The following EGLN1 variants were observed in gnomAD, a reference collection of about 807,000 sequenced individuals.
The protein encoded by EGLN1 is egl nine homolog 1.
In EGLN1, 17 loss-of-function variants were observed where a neutral mutation model predicts 38.3. That is an observed-to-expected ratio of 0.44 (90% CI 0.30 to 0.67). EGLN1 has a LOEUF of 0.67. Ranked by LOEUF, EGLN1 falls within the 30% of genes least tolerant of loss-of-function variation. EGLN1 has a pLI of 0.08. For missense variants in EGLN1, 477 were observed against 603.3 expected (o/e 0.79, Z 2.19); for synonymous variants, 283 against 257.5 (o/e 1.10, Z -0.95).
chr1:231,387,459 A>G (rs1436405430), intron 1 of EGLN1, among the ~76,000 whole-genome samples: 1 of 148,974 alleles, frequency 6.7e-6, no homozygotes. Context: ...TCCCGGGTTC[A>G]TGCCATTCTC....
Position 231,394,124 on chromosome 1 carries a change from T to A in EGLN1, c.892-20025A>T, listed in dbSNP as rs567971997. Reference sequence around the variant, plus strand: ...AGATTTTTGCTAGCTTATTTTTTCATTAACCTCAAGCTGCAAATCAACAAA... The same window carrying A: ...AGATTTTTGCTAGCTTATTTTTTCAATAACCTCAAGCTGCAAATCAACAAA... On this transcript the variant is annotated intron_variant, in intron 1 of 4. Transcript: ENST00000366641. Among the ~76,000 whole-genome samples, 9 of 152,310 alleles carry A rather than the reference T, an allele frequency of 5.9e-5. 1 individual carries two copies. The East Asian group carries it at 1.7e-3, about 29-fold the overall frequency.
intron 1 of EGLN1, among the ~76,000 whole-genome samples, chr1:231,397,638 T>C (rs942118664): frequency 6.6e-6 from 1 of 151,984 alleles, no homozygotes; most frequent in Non-Finnish European, 1.5e-5. Flanking sequence ...GACCCCTGCA[T>C]CAAAACATGA....
intron 1 of EGLN1, among the ~76,000 whole-genome samples, chr1:231,415,259 G>C (rs959095404): frequency 1.4e-4 from 19 of 139,770 alleles, no homozygotes; most frequent in Non-Finnish European, 2.6e-4. Flanking sequence ...GGCATGTTAG[G>C]CCCTGTCCTT....
chr1:231,387,940 C>A (rs1688263032), intron 1 of EGLN1, among the ~76,000 whole-genome samples: 1 of 152,212 alleles, frequency 6.6e-6, no homozygotes, highest in Admixed American at 6.6e-5. Flanking sequence ...GTGGCCCAGG[C>A]TTAATCTTTA....
chr1:231,421,190 C>T lies in EGLN1; in HGVS notation c.699G>A (p.Gly233=), dbSNP rs1656578377. The change falls in exon 1 of 5, where the codon GGG becomes GGA. Residue 233 remains glycine (G), a synonymous_variant. Transcript: ENST00000366641. This position sits in a 1 kb window ranked among gnomAD's most constrained non-coding sequence, Gnocchi z 5.5. ...TGACCAGCTGCCCGTCCGTGAACTT[C>T]CCGGTGTCGTGCAGGGCGCGCACCT... ...GDEVRALHDT[G]KFTDGQLVSQ... 1.9e-6 allele frequency: 3 copies of T among 1,614,188 alleles called. No individual in the cohort carries two copies. Among genetic ancestry groups the T allele is most frequent in the Non-Finnish European group, 2.5e-6 (3 of 1,180,036 alleles).
intron 1 of EGLN1, among the ~76,000 whole-genome samples, chr1:231,393,037 T>C (rs1688433206): frequency 6.6e-6 from 1 of 152,232 alleles, no homozygotes; most frequent in South Asian, 2.1e-4. Context: ...TCCAGGATTT[T>C]TGTCAAAGCC....
intron 1 of EGLN1, among the ~76,000 whole-genome samples, chr1:231,383,280 A>C (rs1688118463): frequency 1.3e-5 from 2 of 152,108 alleles, no homozygotes; most frequent in African/African-American, 4.8e-5. Context: ...ATTTAACTGT[A>C]GCCTCCAAAG....
chr1:231,411,319 G>A (rs1035001247), intron 1 of EGLN1, among the ~76,000 whole-genome samples: 1 of 152,074 alleles, frequency 6.6e-6, no homozygotes, highest in Non-Finnish European at 1.5e-5. Context: ...TGCCATAATT[G>A]TAAGTTTCCT....
rs1553353098 is a variant in EGLN1, at chr1:231,391,092, T to TTTTTTG, written c.892-16994_892-16993insCAAAAA. ...ACAGGGAACTCATTCTGTTTTTTTT[T>TTTTTTG]TGTGTGTGTGTGTGTGTGTGTGTGT... On this transcript the variant is annotated intron_variant, in intron 1 of 4. Coordinates refer to ENST00000366641, the MANE Select transcript of EGLN1 (RefSeq NM_022051.3). Among the ~76,000 whole-genome samples, 392 of 67,334 alleles carry TTTTTTG rather than the reference T, an allele frequency of 5.8e-3. 43 individuals carry two copies. The highest frequency in any genetic ancestry group is 0.018 in the African/African-American group (381 of 21,032). 44.2% of individuals were successfully genotyped at this position (67,334 alleles called of 152,430 possible).
In EGLN1 at chr1:231,421,621, C is replaced by G; in HGVS notation, c.268G>C (p.Ala90Pro). The change falls in exon 1 of 5, where the codon GCC (alanine) becomes CCC (proline). Residue 90 changes from alanine (A) to proline (P), a missense_variant. Transcript: ENST00000366641. This position sits in a 1 kb window ranked among gnomAD's most constrained non-coding sequence, Gnocchi z 5.5. Reference protein sequence around the residue: ...PAAVPPPRAGAREPRKAAARR... With the variant: ...PAAVPPPRAGPREPRKAAARR... Reference sequence around the variant, plus strand: ...GCCGCTGCCTTCCTGGGCTCCCGGGCCCCGGCCCTGGGCGGCGGCACTGCA... The same window carrying G: ...GCCGCTGCCTTCCTGGGCTCCCGGGGCCCGGCCCTGGGCGGCGGCACTGCA... 7.2e-7 allele frequency: 1 copy of G among 1,383,564 alleles called. No individual in the cohort carries two copies. The allele number at this position is 1,383,564 out of a possible 1,614,324, so 85.7% of individuals were successfully genotyped here.
chr1:231,391,457 A>G (rs1238823197), intron 1 of EGLN1, among the ~76,000 whole-genome samples: 3 of 103,646 alleles, frequency 2.9e-5, no homozygotes, highest in Admixed American at 1.9e-4. Context: ...CTGATTTCCA[A>G]TCCTGCACTG....
At chr1:231,412,147 T>C (rs910203349) in intron 1 of EGLN1, among the ~76,000 whole-genome samples, 1 of 150,578 alleles carries the variant, frequency 6.6e-6, no homozygotes, top group Admixed American at 6.6e-5. Context: ...ATCAAAGGGA[T>C]GAAAGGCTCA....
chr1:231,411,587 C>T (rs1688943755), intron 1 of EGLN1, among the ~76,000 whole-genome samples: 1 of 152,110 alleles, frequency 6.6e-6, no homozygotes, highest in African/African-American at 2.4e-5. Context: ...GTTCATGTTT[C>T]ATGTTTCTGG....
chr1:231,419,726 G>A (rs1656504814), intron 1 of EGLN1, among the ~76,000 whole-genome samples: 1 of 152,144 alleles, frequency 6.6e-6, no homozygotes, highest in Non-Finnish European at 1.5e-5. Context: ...CAATGAAGTG[G>A]CAATAGGTAA....
At chr1:231,418,727 G>A (rs965375181) in intron 1 of EGLN1, among the ~76,000 whole-genome samples, 13 of 152,016 alleles carry the variant, frequency 8.6e-5, no homozygotes, top group African/African-American at 2.9e-4. Context: ...GCCAAGTATG[G>A]TGGTGTGTGC....
chr1:231,421,692 C>A lies in EGLN1; in HGVS notation c.197G>T (p.Gly66Val). The stretch of plus-strand genomic sequence containing the variant: ...ATGCTGGTGTGGGCCCACTCCGTGG[C>A]CGAGGGCGCCCTCGCTGCCCTGGCA... ...LVCQGSEGAL[G>V]HGVGPHQHSG... The change falls in exon 1 of 5, where the codon GGC (glycine) becomes GTC (valine). Residue 66 changes from glycine (G) to valine (V), a missense_variant. This residue lies in a region of EGLN1 where 298 missense variants were observed against 288.9 expected (regional missense o/e 1.03). Transcript: ENST00000366641. The surrounding 1 kb of genome is among the most constrained non-coding windows in gnomAD (Gnocchi z 5.5). 6.6e-7 allele frequency: 1 copy of A among 1,510,724 alleles called. No individual in the cohort carries two copies. The highest frequency in any genetic ancestry group is 8.8e-7 in the Non-Finnish European group (1 of 1,135,442). The allele number at this position is 1,510,724 out of a possible 1,614,324, so 93.6% of individuals were successfully genotyped here. A position where few individuals can be genotyped will look rare whatever the true frequency, so the allele number is the denominator to read the frequency against.
chr1:231,374,170 ATC>A, intron 1 of EGLN1, 71 bp from the exon 2 acceptor site: 2 of 1,444,712 alleles, frequency 1.4e-6, no homozygotes, highest in African/African-American at 2.8e-5. Context: ...AATAAATCAG[ATC>A]TCTGATTTTT....
In EGLN1 at chr1:231,375,852, T is replaced by G. The variant is rs2102899845; in HGVS notation, c.892-1753A>C. Reference sequence around the variant, plus strand: ...TCCATTTGTGGTTAACTGAAGTAATTATGATGAATTACACAATATATTGTT... The same window carrying G: ...TCCATTTGTGGTTAACTGAAGTAATGATGATGAATTACACAATATATTGTT... On this transcript the variant is annotated intron_variant, in intron 1 of 4. Transcript: ENST00000366641. Among the ~76,000 whole-genome samples the G allele has an allele frequency of 2.0e-5, 3 of 152,312 alleles. 1 individual carries two copies. The Middle Eastern group carries it at 0.01, about 518-fold the overall frequency.
chr1:231,401,482 T>C (rs754883102), intron 1 of EGLN1, among the ~76,000 whole-genome samples: 1 of 152,184 alleles, frequency 6.6e-6, no homozygotes, highest in Non-Finnish European at 1.5e-5. Context: ...CTTGTTAAAA[T>C]GTACAGAGAT....
Sources: allele counts gnomAD v4.1 joint callset (sites outside exome capture counted in the v4.1 genomes callset), GRCh38; gene constraint gnomAD v4.1.1; regional missense constraint gnomAD v4.1.1; non-coding constraint Gnocchi (gnomAD v3.1); transcripts MANE v1.5; gene names NCBI Gene and HGNC (gene_info 2026-07-23, HGNC 2026-07-21).